The following RB1 variants were observed in gnomAD, a reference collection of about 807,000 sequenced individuals.
RB1 encodes RB transcriptional corepressor 1, also known as retinoblastoma-associated protein.
In RB1, 18 loss-of-function variants were observed where a neutral mutation model predicts 135.4. The observed-to-expected ratio is 0.13, with a 90% confidence interval of 0.09 to 0.20. The LOEUF is 0.20. Among genes scored for constraint, RB1 ranks in the 10% least tolerant of loss-of-function variants. The pLI is 1.00. For missense variants in RB1, 868 were observed against 1,110.0 expected (o/e 0.78, Z 3.10); for synonymous variants, 365 against 373.2 (o/e 0.98, Z 0.25).
intron 11 of RB1, 119 bp from the exon 12 acceptor site, chr13:48,373,286 G>A: frequency 2.9e-6 from 2 of 694,686 alleles, no homozygotes; most frequent in Non-Finnish European, 2.6e-6. Context: ...GGAATGTAGA[G>A]ACAAGTGGGA....
chr13:48,350,756 G>A (rs1175489693), intron 6 of RB1, among the ~76,000 whole-genome samples: 1 of 152,030 alleles, frequency 6.6e-6, no homozygotes, highest in Admixed American at 6.6e-5. Flanking sequence ...GTAGACCCCA[G>A]TGCCTGTTGT....
Position 48,453,047 on chromosome 13 carries a change from G to T in RB1, c.1750G>T (p.Asp584Tyr), listed in dbSNP as rs1343212063. The T allele has an allele frequency of 1.1e-5, 18 of 1,613,060 alleles. No homozygotes were observed. Among genetic ancestry groups the T allele is most frequent in the Non-Finnish European group, 1.4e-5 (17 of 1,179,672 alleles). The part of the protein sequence containing the change: ...KQSKDREGPT[D>Y]HLESACPLNL... ...ATCAAAGGACCGAGAAGGACCAACTGATCACCTTGAATCTGCTTGTCCTCT... is the reference window on the plus strand; with the variant it reads ...ATCAAAGGACCGAGAAGGACCAACTTATCACCTTGAATCTGCTTGTCCTCT... The change falls in exon 18 of 27, where the codon GAT (aspartate) becomes TAT (tyrosine). Residue 584 changes from aspartate (D) to tyrosine (Y), a missense_variant. Around this residue, in one of 3 missense-constraint regions of RB1, gnomAD observed 641 missense variants for 791.3 expected, o/e 0.81. Transcript: ENST00000267163.
chr13:48,411,623 T>C, intron 17 of RB1: 1 of 1,612,236 alleles, frequency 6.2e-7, no homozygotes, highest in Non-Finnish European at 8.5e-7. Context: ...TCCTTACTGC[T>C]GCCACTACTG....
intron 17 of RB1, among the ~76,000 whole-genome samples, chr13:48,446,447 C>T (rs558722285): frequency 7.4e-4 from 113 of 152,284 alleles, no homozygotes; most frequent in African/African-American, 2.7e-3. Flanking sequence ...CCAAGCCTTC[C>T]TGCATCTTGC....
chr13:48,421,181 C>G (rs183510040), intron 17 of RB1, among the ~76,000 whole-genome samples: 2 of 152,264 alleles, frequency 1.3e-5, no homozygotes, highest in Non-Finnish European at 2.9e-5. Context: ...GGTACCAAAA[C>G]AGATATATTG....
At chr13:48,452,841 A>G (rs1949336228) in intron 17 of RB1, 152 bp from the exon 18 acceptor site, 1 of 1,174,174 alleles carries the variant, frequency 8.5e-7, no homozygotes, top group Admixed American at 2.6e-5. Flanking sequence ...ATTTCGAAGT[A>G]GAGAAAAATA....
chr13:48,342,612 A>G lies in RB1; in HGVS notation c.278A>G (p.Gln93Arg). The G allele has an allele frequency of 6.2e-7, 1 of 1,607,842 alleles. No homozygotes were observed. The highest frequency in any genetic ancestry group is 8.5e-7 in the Non-Finnish European group (1 of 1,174,668). The change falls in exon 3 of 27, where the codon CAA becomes CGA. Residue 93 changes from glutamine to arginine, a missense_variant. This residue lies in a region of RB1 where 641 missense variants were observed against 791.3 expected (regional missense o/e 0.81). Coordinates refer to ENST00000267163, the MANE Select transcript of RB1 (RefSeq NM_000321.3). ...SVDGVLGGYIQKKKELWGICI... is the reference protein window; with the variant it reads ...SVDGVLGGYIRKKKELWGICI... ...TTTTGTTCCCAGGGAGGTTATATTC[A>G]AAAGAAAAAGGAACTGTGGGGAATC...
At chr13:48,431,507 T>G (rs928677617) in intron 17 of RB1, among the ~76,000 whole-genome samples, 2 of 152,222 alleles carry the variant, frequency 1.3e-5, no homozygotes, top group East Asian at 3.9e-4. Flanking sequence ...GAAGAATTAT[T>G]GGTATGATTC....
intron 2 of RB1, among the ~76,000 whole-genome samples, chr13:48,331,172 C>G (rs1593428106): frequency 6.6e-6 from 1 of 152,206 alleles, no homozygotes; most frequent in East Asian, 1.9e-4. Context: ...CCACAGCTAG[C>G]ATTATACTCA....
intron 17 of RB1, among the ~76,000 whole-genome samples, chr13:48,440,458 A>G (rs1468673022): frequency 4.6e-5 from 7 of 152,106 alleles, no homozygotes. Flanking sequence ...GCTAATGCAT[A>G]TTTTTTAACT....
Position 48,368,691 on chromosome 13 carries a change from A to G in RB1, c.1127+87A>G, listed in dbSNP as rs1952728422. ...CAGATTTGTTCACGTTTCTTTATGT[A>G]TTCATACATACATGTAAGAAATATA... On this transcript the variant is annotated intron_variant, in intron 11 of 26. Transcript: ENST00000267163. The G allele has an allele frequency of 7.2e-6, 11 of 1,519,062 alleles. No individual in the cohort carries two copies. In the African/African-American group the frequency reaches 9.8e-5, roughly 13 times the overall value. The allele number at this position is 1,519,062 out of a possible 1,614,324, so 94.1% of individuals were successfully genotyped here. A position where few individuals can be genotyped will look rare whatever the true frequency, so the allele number is the denominator to read the frequency against.
intron 12 of RB1, among the ~76,000 whole-genome samples, chr13:48,374,911 A>T (rs1952804245): frequency 6.6e-6 from 1 of 151,878 alleles, no homozygotes; most frequent in Non-Finnish European, 1.5e-5. Context: ...TGCCATCTTT[A>T]TGTCCATGAG....
chr13:48,439,993 T>C (rs1251135055), intron 17 of RB1, among the ~76,000 whole-genome samples: 1 of 152,150 alleles, frequency 6.6e-6, no homozygotes, highest in African/African-American at 2.4e-5. Flanking sequence ...AGTCTAAATA[T>C]TTTTATATGT....
Position 48,480,936 on chromosome 13 carries a change from AC to A in RB1, c.*866del. 4.4e-6 allele frequency: 1 copy of A among 229,240 alleles called. No homozygotes were observed. The highest frequency in any genetic ancestry group is 8.7e-6 in the Non-Finnish European group (1 of 115,330). The allele number at this position is 229,240 out of a possible 1,614,324, so 14.2% of individuals were successfully genotyped here. A position where few individuals can be genotyped will look rare whatever the true frequency, so the allele number is the denominator to read the frequency against. On this transcript the variant is annotated 3_prime_UTR_variant, in exon 27 of 27. Transcript: ENST00000267163. ...CAGATCTTAGGTATAGAGGACCCTA[AC>A]ACAGTATATCCCAAGTGCACTTTCT...
rs2138345142 is a variant in RB1 at position 48,465,127 on chromosome 13, C to A, written c.2325+16C>A. 1.9e-6 allele frequency: 3 copies of A among 1,613,208 alleles called. No homozygotes were observed. The highest frequency in any genetic ancestry group is 2.5e-6 in the Non-Finnish European group (3 of 1,179,458). ...TTCCACCAGGGTAGGTCAAAAGTAT[C>A]CTTTGATTGGAAAAATCTAATGTAA... On this transcript the variant is annotated intron_variant, in intron 22 of 26. Transcript: ENST00000267163.
intron 9 of RB1, 111 bp downstream of exon 9, chr13:48,365,082 C>T (rs980766766): frequency 1.2e-5 from 15 of 1,301,080 alleles, no homozygotes; most frequent in Admixed American, 6.1e-5. Context: ...TTTTTTTGCC[C>T]AAGAAGAATC....
intron 12 of RB1, among the ~76,000 whole-genome samples, chr13:48,376,603 A>T (rs909399869): frequency 2.6e-5 from 4 of 152,006 alleles, no homozygotes; most frequent in African/African-American, 7.3e-5. Context: ...ATAACTCTTA[A>T]TTGAAGGTAT....
intron 17 of RB1, among the ~76,000 whole-genome samples, chr13:48,393,575 G>A (rs566797968): frequency 6.6e-6 from 1 of 152,294 alleles, no homozygotes; most frequent in South Asian, 2.1e-4. Context: ...AGAGCTGGCA[G>A]GGTTACTAAA....
Position 48,319,479 on chromosome 13 carries a change from AC to A in RB1, c.264+12077del. ...TCTCAGGGCGCCAGCGCTCCTCTTG[AC>A]CCCGCTTTTATTCTGTGGTGCTTCT... is the stretch of plus-strand genomic sequence containing the variant. On this transcript the variant is annotated intron_variant, in intron 2 of 26. Coordinates refer to ENST00000267163, the MANE Select transcript of RB1 (RefSeq NM_000321.3). This position sits in a 1 kb window ranked among gnomAD's most constrained non-coding sequence, Gnocchi z 5.0. The A allele has an allele frequency of 3.4e-6, 1 of 297,840 alleles. No homozygotes were observed. The highest frequency in any genetic ancestry group is 6.5e-6 in the Non-Finnish European group (1 of 155,012). The allele number at this position is 297,840 out of a possible 1,614,324, so 18.4% of individuals were successfully genotyped here. A position where few individuals can be genotyped will look rare whatever the true frequency, so the allele number is the denominator to read the frequency against.
Sources: gnomAD v4.1 joint callset for allele counts (sites outside exome capture counted in the v4.1 genomes callset) on GRCh38, gnomAD v4.1.1 for gene constraint, gnomAD v4.1.1 regional missense constraint, Gnocchi (gnomAD v3.1) non-coding constraint, MANE v1.5 for transcripts, NCBI Gene and HGNC (gene_info 2026-07-23, HGNC 2026-07-21) for gene names.